The following TSHZ2 variants were observed in gnomAD, a reference collection of about 807,000 sequenced individuals.
TSHZ2 encodes teashirt homolog 2.
In TSHZ2, 21 loss-of-function variants were observed where a neutral mutation model predicts 74.4. That is an observed-to-expected ratio of 0.28 (90% CI 0.20 to 0.41). TSHZ2 has a LOEUF of 0.41. TSHZ2 is among the 10% of genes least tolerant of loss of function. TSHZ2 has a pLI of 1.00. For missense variants in TSHZ2, 1,244 were observed against 1,293.5 expected (o/e 0.96, Z 0.59); for synonymous variants, 540 against 515.3 (o/e 1.05, Z -0.65).
At chr20:53,192,572 A>G (rs1299141044) in intron 1 of TSHZ2, among the ~76,000 whole-genome samples, 3 of 150,966 alleles carry the variant, frequency 2.0e-5, no homozygotes, top group Non-Finnish European at 4.4e-5. Context: ...GAAAAAAAAA[A>G]AAAAAACCCA....
At chr20:53,004,057 A>G (rs1303540374) in intron 1 of TSHZ2, among the ~76,000 whole-genome samples, 2 of 152,086 alleles carry the variant, frequency 1.3e-5, no homozygotes, top group East Asian at 1.9e-4. Context: ...GCGAAACCCT[A>G]TAGAGGAGTT....
chr20:53,367,447 A>T (rs1246395006), intron 2 of TSHZ2, among the ~76,000 whole-genome samples: 1 of 152,118 alleles, frequency 6.6e-6, no homozygotes, highest in African/African-American at 2.4e-5. Context: ...TTTTTAAAAA[A>T]CAACTTTACT....
intron 1 of TSHZ2, among the ~76,000 whole-genome samples, chr20:53,038,184 T>C: frequency 2.0e-5 from 2 of 99,636 alleles, no homozygotes; most frequent in African/African-American, 3.9e-5. Context: ...AAGAGCGGGA[T>C]TCCGTCTCAA....
chr20:53,176,586 T>C (rs1988343179), intron 1 of TSHZ2, among the ~76,000 whole-genome samples: 1 of 152,210 alleles, frequency 6.6e-6, no homozygotes, highest in Non-Finnish European at 1.5e-5. Context: ...TCCCTAATTA[T>C]TTCACAGGGC....
chr20:53,221,464 ATCTT>A (rs1989555744), intron 1 of TSHZ2, among the ~76,000 whole-genome samples: 1 of 152,160 alleles, frequency 6.6e-6, no homozygotes, highest in Non-Finnish European at 1.5e-5. Context: ...GAATGTCCTT[ATCTT>A]TCTTGTTTCT....
At chr20:53,360,389 G>A (rs1033802634) in intron 2 of TSHZ2, among the ~76,000 whole-genome samples, 2 of 152,170 alleles carry the variant, frequency 1.3e-5, no homozygotes, top group African/African-American at 4.8e-5. Flanking sequence ...TACTCTGCCC[G>A]TGACTTTTAC....
At chr20:53,408,726 C>G (rs145782898) in intron 2 of TSHZ2, among the ~76,000 whole-genome samples, 3 of 152,156 alleles carry the variant, frequency 2.0e-5, no homozygotes, top group African/African-American at 7.2e-5. Context: ...ATATTGAGAT[C>G]GGACACTTTG....
At chr20:53,175,127 C>CTTTTTTTTT (rs1988299175) in intron 1 of TSHZ2, among the ~76,000 whole-genome samples, 1 of 68,184 alleles carries the variant, frequency 1.5e-5, no homozygotes, top group Admixed American at 1.7e-4. Flanking sequence ...CCTTCTTCTT[C>CTTTTTTTTT]TTTCTTTTTT....
intron 2 of TSHZ2, among the ~76,000 whole-genome samples, chr20:53,311,945 G>A (rs1487099986): frequency 1.3e-5 from 2 of 152,126 alleles, no homozygotes; most frequent in Non-Finnish European, 2.9e-5. Context: ...GCTGGGTATG[G>A]TGGCACATGC....
intron 1 of TSHZ2, among the ~76,000 whole-genome samples, chr20:53,163,928 G>A (rs1351175557): frequency 2.0e-5 from 3 of 152,022 alleles, no homozygotes; most frequent in Non-Finnish European, 4.4e-5. Context: ...TTTTTATTCT[G>A]GTTTTCTCCA....
intron 2 of TSHZ2, among the ~76,000 whole-genome samples, chr20:53,331,641 G>T (rs573823008): frequency 6.6e-6 from 1 of 152,166 alleles, no homozygotes; most frequent in Non-Finnish European, 1.5e-5. Flanking sequence ...TGGCTCAACG[G>T]AAGTCAGTCC....
chr20:53,143,784 C>T (rs1394402620), intron 1 of TSHZ2, among the ~76,000 whole-genome samples: 1 of 152,082 alleles, frequency 6.6e-6, no homozygotes, highest in Non-Finnish European at 1.5e-5. Flanking sequence ...AGTGGGTTCT[C>T]CTTGCCCACT....
In TSHZ2 at chr20:53,112,972, G is replaced by A. The variant is rs562123924; in HGVS notation, c.40+139639G>A. The stretch of plus-strand genomic sequence containing the variant: ...GGGGCCTGAGAAAAGGACAGGGCAA[G>A]GGTGGAAGGCACAAGTTAACTTGGC... On this transcript the variant is annotated intron_variant, in intron 1 of 2. Transcript: ENST00000371497. 4.7e-4 allele frequency among the ~76,000 whole-genome samples: 72 copies of A among 152,316 alleles called. 1 individual carries two copies. Among genetic ancestry groups the A allele is most frequent in the African/African-American group, 1.7e-3 (71 of 41,566 alleles).
intron 1 of TSHZ2, among the ~76,000 whole-genome samples, chr20:53,081,935 G>A (rs984022041): frequency 4.8e-5 from 7 of 145,992 alleles, no homozygotes; most frequent in African/African-American, 1.3e-4. Context: ...TTACTCTGTC[G>A]CCCAGGCTGG....
At chr20:53,454,944 C>T (rs1466954309) in intron 2 of TSHZ2, among the ~76,000 whole-genome samples, 1 of 152,176 alleles carries the variant, frequency 6.6e-6, no homozygotes, top group African/African-American at 2.4e-5. Flanking sequence ...CGACCACCCA[C>T]TTCATGTTGA....
chr20:53,136,352 A>G lies in TSHZ2; in HGVS notation c.41-117147A>G, dbSNP rs531017403. 3.9e-5 allele frequency among the ~76,000 whole-genome samples: 6 copies of G among 152,356 alleles called. No individual in the cohort carries two copies. The East Asian group carries it at 1.2e-3, about 29-fold the overall frequency. On this transcript the variant is annotated intron_variant, in intron 1 of 2. Coordinates refer to ENST00000371497, the MANE Select transcript of TSHZ2 (RefSeq NM_173485.6). ...TATTGGTGCATGCATTTACCAAATT[A>G]AAACATGGAGAAAACCAAGGGATCG...
chr20:53,310,639 G>A (rs1978742986), intron 2 of TSHZ2, among the ~76,000 whole-genome samples: 1 of 152,026 alleles, frequency 6.6e-6, no homozygotes, highest in Non-Finnish European at 1.5e-5. Context: ...TCAGCTCTAG[G>A]ATTGAGGGCT....
chr20:53,027,226 T>C (rs908796934), intron 1 of TSHZ2, among the ~76,000 whole-genome samples: 4 of 152,180 alleles, frequency 2.6e-5, no homozygotes, highest in Non-Finnish European at 4.4e-5. Flanking sequence ...AGGATGTACT[T>C]TTCATTTTTA....
chr20:53,321,487 C>T (rs1262097970), intron 2 of TSHZ2, among the ~76,000 whole-genome samples: 3 of 151,930 alleles, frequency 2.0e-5, no homozygotes, highest in African/African-American at 4.8e-5. Flanking sequence ...AGTTCAAGAC[C>T]AGCCTAGCCA....
Sources: allele counts gnomAD v4.1 joint callset (sites outside exome capture counted in the v4.1 genomes callset), GRCh38; gene constraint gnomAD v4.1.1; transcripts MANE v1.5; gene names NCBI Gene and HGNC (gene_info 2026-07-23, HGNC 2026-07-21).